Variants in SCRIB observed in about 807,000 individuals in gnomAD.
SCRIB encodes protein scribble homolog.
In SCRIB, 72 loss-of-function variants were observed where a neutral mutation model predicts 170.0. The ratio of observed to expected loss-of-function variants is 0.42; its 90% CI spans 0.35 to 0.52. The LOEUF is 0.52. SCRIB is among the 20% of genes least tolerant of loss of function. The pLI is 0.02. For synonymous variants in SCRIB, 1,298 were observed against 1,044.3 expected, an observed-to-expected ratio of 1.24 and a Z score of -4.68; for missense variants, 2,475 against 2,338.5, an observed-to-expected ratio of 1.06 and a Z score of -1.20.
intron 1 of SCRIB, among the ~76,000 whole-genome samples, chr8:143,814,380 G>A (rs1038277672): frequency 1.8e-4 from 27 of 151,966 alleles, no homozygotes; most frequent in East Asian, 5.8e-4. Context: ...ACCAGACAAA[G>A]CCCCAATCCC....
At position 143,805,220 on chromosome 8, in the gene SCRIB, G is replaced by C; in HGVS notation, c.2562C>G (p.Pro854=). Residue 854 remains proline (P), a synonymous_variant, in exon 19 of 37, where the codon CCC becomes CCG. Transcript: ENST00000356994. ...LRLPLLPPES[P]GPLRQRHVAC... is the part of the protein sequence containing the mutation. Reference sequence around the variant, plus strand: ...CCACGTGGCGCTGACGGAGGGGCCCGGGGCTCTCAGGCGGGAGCAGGGGCA... The same window carrying C: ...CCACGTGGCGCTGACGGAGGGGCCCCGGGCTCTCAGGCGGGAGCAGGGGCA... 6.4e-7 allele frequency: 1 copy of C among 1,553,836 alleles called. No individual in the cohort carries two copies. The highest frequency in any genetic ancestry group is 8.7e-7 in the Non-Finnish European group (1 of 1,154,526).
chr8:143,804,218 G>A (rs1489275393), intron 21 of SCRIB, 62 bp from the exon 22 acceptor site: 4 of 1,253,616 alleles, frequency 3.2e-6, no homozygotes, highest in African/African-American at 3.0e-5. Flanking sequence ...GTGTGGGAGG[G>A]CTCCCAAGAG....
At position 143,804,922 on chromosome 8, in the gene SCRIB, A is replaced by C. The variant is rs1375738005; in HGVS notation, c.2751+12T>G. 3.2e-6 allele frequency: 5 copies of C among 1,541,824 alleles called. No individual in the cohort carries two copies. The African/African-American group carries it at 6.8e-5, about 21-fold the overall frequency. ...GGATGGGTGGGTGGGGCGGGGCCCC[A>C]TCCCCACTCACAGAGAGGACGCGGT... On this transcript the variant is annotated intron_variant, in intron 20 of 36. Transcript: ENST00000356994.
In SCRIB at chr8:143,804,951, C is replaced by T; in HGVS notation, c.2734G>A (p.Gly912Ser). ...AAHRAGTLQV[G>S]DRVLSINGVD... ...CCACTCACAGAGAGGACGCGGTCGC[C>T]AACCTGCAGTGTGCCCGCGCGGTGA... The change falls in exon 20 of 37, where the codon GGC (glycine) becomes AGC (serine). Residue 912 changes from glycine to serine, a missense_variant. Gly to Ser is a moderately conservative substitution (Grantham distance 56). Around this residue, in one of 3 missense-constraint regions of SCRIB, gnomAD observed 1,966 missense variants for 1,742.9 expected, o/e 1.13. Coordinates refer to ENST00000356994, the MANE Select transcript of SCRIB (RefSeq NM_182706.5). The T allele has an allele frequency of 6.4e-7, 1 of 1,570,758 alleles. No individual in the cohort carries two copies. Among genetic ancestry groups the T allele is most frequent in the Non-Finnish European group, 8.6e-7 (1 of 1,164,588 alleles).
Position 143,808,823 on chromosome 8 carries a change from G to C in SCRIB, c.1901C>G (p.Pro634Arg). 1 of 1,612,016 alleles carries C rather than the reference G, an allele frequency of 6.2e-7. No homozygotes were observed. The highest frequency in any genetic ancestry group is 2.2e-5 in the East Asian group (1 of 44,874). The change falls in exon 15 of 37, where the codon CCT (proline) becomes CGT (arginine). Residue 634 changes from proline to arginine, a missense_variant. This residue lies in a region of SCRIB where 1,966 missense variants were observed against 1,742.9 expected (regional missense o/e 1.13). Transcript: ENST00000356994. Reference protein sequence around the residue: ...AVVALLQGMQPDGEGPVAPGG... With the variant: ...AVVALLQGMQRDGEGPVAPGG... ...GGGAGCCACAGGGCCCTCCCCATCA[G>C]GCTGCATGCCCTGCAGCAGAGCCAC... is the stretch of plus-strand genomic sequence containing the variant.
At chr8:143,812,133 G>C (rs1283179222) in intron 9 of SCRIB, 133 bp downstream of exon 9, 6 of 739,752 alleles carry the variant, frequency 8.1e-6, no homozygotes, top group East Asian at 2.5e-5. Context: ...TCTGACAAGA[G>C]AAGAGCCCTT....
At chr8:143,799,368 G>A (rs565406878) in intron 24 of SCRIB, among the ~76,000 whole-genome samples, 2 of 152,328 alleles carry the variant, frequency 1.3e-5, no homozygotes, top group Admixed American at 6.5e-5. Context: ...AGGTGGTCCT[G>A]ACCAGTAGTC....
At position 143,804,919 on chromosome 8, in the gene SCRIB, C is replaced by T. The variant is rs1554636041; in HGVS notation, c.2751+15G>A. The T allele has an allele frequency of 2.6e-6, 4 of 1,538,816 alleles. No homozygotes were observed. Among genetic ancestry groups the T allele is most frequent in the Non-Finnish European group, 2.6e-6 (3 of 1,148,186 alleles). ...GGGGGATGGGTGGGTGGGGCGGGGC[C>T]CCATCCCCACTCACAGAGAGGACGC... On this transcript the variant is annotated intron_variant, in intron 20 of 36. Transcript: ENST00000356994.
At chr8:143,814,495 G>A (rs1815937115) in intron 1 of SCRIB, among the ~76,000 whole-genome samples, 2 of 152,082 alleles carry the variant, frequency 1.3e-5, no homozygotes, top group South Asian at 2.1e-4. Context: ...AACAAGCCTG[G>A]CCTGGTTCTG....
At chr8:143,797,833 G>A (rs1179126367) in intron 24 of SCRIB, among the ~76,000 whole-genome samples, 6 of 152,250 alleles carry the variant, frequency 3.9e-5, no homozygotes, top group Admixed American at 2.0e-4. Context: ...GGATCGGGCC[G>A]CGCCCTTCCA....
chr8:143,809,735 G>C lies in SCRIB; in HGVS notation c.1531-17C>G, dbSNP rs780497086. On this transcript the variant is annotated splice_polypyrimidine_tract_variant and intron_variant, in intron 13 of 36. Coordinates refer to ENST00000356994, the MANE Select transcript of SCRIB (RefSeq NM_182706.5). Reference sequence around the variant, plus strand: ...CCGCTTCTCCTGCGGCGGGAAGTGGGGTCAGGCTTCGACGGAGCTCCCGAC... The same window carrying C: ...CCGCTTCTCCTGCGGCGGGAAGTGGCGTCAGGCTTCGACGGAGCTCCCGAC... 38 of 1,603,730 alleles carry C rather than the reference G, an allele frequency of 2.4e-5. No homozygotes were observed. The highest frequency in any genetic ancestry group is 3.2e-5 in the Non-Finnish European group (38 of 1,177,588).
In SCRIB at chr8:143,804,790, G is replaced by A. The variant is rs995505630; in HGVS notation, c.2787C>T (p.Asp929=). The part of the protein sequence containing the change: ...NGVDVTEARH[D]HAVSLLTAAS... Reference sequence around the variant, plus strand: ...CAGCGGTCAGCAGGGAGACGGCGTGGTCATGCCTGGCCTCAGTCACGTCCA... The same window carrying A: ...CAGCGGTCAGCAGGGAGACGGCGTGATCATGCCTGGCCTCAGTCACGTCCA... Residue 929 remains aspartate (D), a synonymous_variant, in exon 21 of 37, where the codon GAC becomes GAT. Coordinates refer to ENST00000356994, the MANE Select transcript of SCRIB (RefSeq NM_182706.5). 1.3e-6 allele frequency: 2 copies of A among 1,599,172 alleles called. No homozygotes were observed. The highest frequency in any genetic ancestry group is 8.5e-7 in the Non-Finnish European group (1 of 1,176,514).
At position 143,792,123 on chromosome 8, in the gene SCRIB, A is replaced by G. The variant is rs1359467237; in HGVS notation, c.4525T>C (p.Leu1509=). 2 of 1,577,352 alleles carry G rather than the reference A, an allele frequency of 1.3e-6. No individual in the cohort carries two copies. Among genetic ancestry groups the G allele is most frequent in the Non-Finnish European group, 1.7e-6 (2 of 1,168,424 alleles). ...TGTGCTCGGAGAGCGTCCTGTTCCA[A>G]TGACTTCATCCTGCAGAGAACAGCG... ...ALWRAARMKS[L]EQDALRAQMV... is the part of the protein sequence containing the mutation. Residue 1509 remains leucine (L), a synonymous_variant, in exon 33 of 37, where the codon TTG becomes CTG. Transcript: ENST00000356994.
At position 143,792,293 on chromosome 8, in the gene SCRIB, G is replaced by C; in HGVS notation, c.4441C>G (p.Pro1481Ala). Residue 1481 changes from proline to alanine, a missense_variant, in exon 32 of 37, where the codon CCC (proline) becomes GCC (alanine). Coordinates refer to ENST00000356994, the MANE Select transcript of SCRIB (RefSeq NM_182706.5). ...LRVQSPEPPA[P>A]ERALSPAELR... ...TCGGCAGGGGACAGGGCACGCTCGG[G>C]TGCCGGTGGCTCCGGACTCTGCACG... The C allele has an allele frequency of 6.4e-7, 1 of 1,563,044 alleles. No individual in the cohort carries two copies. The highest frequency in any genetic ancestry group is 8.6e-7 in the Non-Finnish European group (1 of 1,161,940).
chr8:143,791,571 C>G (rs1820082547), intron 35 of SCRIB, 95 bp downstream of exon 35: 4 of 1,533,162 alleles, frequency 2.6e-6, no homozygotes, highest in Admixed American at 3.4e-5. Flanking sequence ...GAGGCAGGGC[C>G]ACGGCAGAGC....
Position 143,812,389 on chromosome 8 carries a change from C to A in SCRIB, c.788-5G>T, listed in dbSNP as rs376407099. 7.5e-6 allele frequency: 12 copies of A among 1,601,770 alleles called. No homozygotes were observed. Among genetic ancestry groups the A allele is most frequent in the Non-Finnish European group, 8.6e-6 (10 of 1,169,038 alleles). On this transcript the variant is annotated splice_polypyrimidine_tract_variant and splice_region_variant and intron_variant, in intron 8 of 36. Transcript: ENST00000356994. ...TGGATAGCTGCTTCAGCTGACCTGG[C>A]GTCGGGGAGACAGGGGGACAAGGCT...
At chr8:143,798,629 A>G (rs2130031530) in intron 24 of SCRIB, among the ~76,000 whole-genome samples, 1 of 152,360 alleles carries the variant, frequency 6.6e-6, no homozygotes, top group East Asian at 1.9e-4. Flanking sequence ...TTAAGGAAAG[A>G]TTTTATGAGA....
rs1563807109 is a variant in SCRIB, at chr8:143,812,366, G to C, written c.806C>G (p.Ser269Cys). ...PDGIGQLKQLSILKVDQNRLC... is the reference protein window; with the variant it reads ...PDGIGQLKQLCILKVDQNRLC... ...CCGATTCTGGTCTACCTTTAGGATG[G>C]ATAGCTGCTTCAGCTGACCTGGCGT... is the stretch of plus-strand genomic sequence containing the variant. The change falls in exon 9 of 37, where the codon TCC becomes TGC. Residue 269 changes from serine (S) to cysteine (C), a missense_variant. Physicochemically the swap from Ser to Cys is moderately radical, Grantham distance 112. Coordinates refer to ENST00000356994, the MANE Select transcript of SCRIB (RefSeq NM_182706.5). The C allele has an allele frequency of 6.2e-7, 1 of 1,613,220 alleles. No individual in the cohort carries two copies.
At position 143,793,071 on chromosome 8, in the gene SCRIB, G is replaced by A; in HGVS notation, c.3922C>T (p.Pro1308Ser). ...SPSGQQPPSP[P>S]SPDELPANVK... ...TTGGCGGGCAGCTCATCCGGAGAAG[G>A]CGGGGAGGGCGGCTGGGGGGTGGGG... Residue 1308 changes from proline (P) to serine (S), a missense_variant, in exon 29 of 37, where the codon CCT becomes TCT. Physicochemically the swap from Pro to Ser is moderately conservative, Grantham distance 74. Coordinates refer to ENST00000356994, the MANE Select transcript of SCRIB (RefSeq NM_182706.5). The A allele has an allele frequency of 6.8e-7, 1 of 1,481,036 alleles. No individual in the cohort carries two copies. Among genetic ancestry groups the A allele is most frequent in the East Asian group, 2.6e-5 (1 of 38,940 alleles). 91.7% of individuals were successfully genotyped at this position (1,481,036 alleles called of 1,614,324 possible). A position where few individuals can be genotyped will look rare whatever the true frequency, so the allele number is the denominator to read the frequency against.
Sources: gnomAD v4.1 joint callset for allele counts (sites outside exome capture counted in the v4.1 genomes callset) on GRCh38, gnomAD v4.1.1 for gene constraint, gnomAD v4.1.1 regional missense constraint, MANE v1.5 for transcripts, NCBI Gene and HGNC (gene_info 2026-07-23, HGNC 2026-07-21) for gene names.